The following HTR1B variants were observed in gnomAD, a reference collection of about 807,000 sequenced individuals.
HTR1B encodes 5-hydroxytryptamine receptor 1B.
HTR1B carries 12 observed loss-of-function variants against 25.3 expected under a neutral mutation model. The ratio of observed to expected loss-of-function variants is 0.47; its 90% CI spans 0.30 to 0.77. HTR1B has a LOEUF of 0.77. HTR1B is among the 30% of genes least tolerant of loss of function. The pLI, the probability that HTR1B is intolerant of heterozygous loss-of-function variation, is 0.06. For synonymous variants in HTR1B, 224 were observed against 219.1 expected (o/e 1.02, Z -0.20); for missense variants, 453 against 503.0 (o/e 0.90, Z 0.95).
Position 77,463,423 on chromosome 6 carries a change from C to T in HTR1B, c.-20G>A. ...CTCCATGGCTCTCCTCGCCCCAGCTCCGGAGCGCAGCTCTTGGGCATGGAG... is the reference window on the plus strand; with the variant it reads ...CTCCATGGCTCTCCTCGCCCCAGCTTCGGAGCGCAGCTCTTGGGCATGGAG... On this transcript the variant is annotated 5_prime_UTR_variant, in exon 1 of 1. Transcript: ENST00000369947. The T allele has an allele frequency of 1.3e-6, 2 of 1,597,696 alleles. No individual in the cohort carries two copies. Among genetic ancestry groups the T allele is most frequent in the South Asian group, 1.1e-5 (1 of 89,188 alleles).
chr6:77,463,475 G>C lies in HTR1B; in HGVS notation c.-72C>G. ...GGACGAAGGAGAGGGCGGAAGGACC[G>C]TGGCGATCGCAGGTTTGTCCCCAGT... On this transcript the variant is annotated 5_prime_UTR_variant, in exon 1 of 1. Transcript: ENST00000369947. 1 of 1,311,936 alleles carries C rather than the reference G, an allele frequency of 7.6e-7. No homozygotes were observed. Among genetic ancestry groups the C allele is most frequent in the Admixed American group, 2.1e-5 (1 of 48,346 alleles). 81.3% of individuals were successfully genotyped at this position (1,311,936 alleles called of 1,614,324 possible).
In HTR1B at chr6:77,462,956, C is replaced by A. The variant is rs202012894; in HGVS notation, c.448G>T (p.Ala150Ser). The A allele has an allele frequency of 8.1e-5, 131 of 1,613,942 alleles. No individual in the cohort carries two copies. The highest frequency in any genetic ancestry group is 9.9e-5 in the Non-Finnish European group (117 of 1,180,040). ...GAGTACTCCACGGCGTCCGTGATGGCCCAGTAGCGGTCCAGGGCGATGACA... is the reference window on the plus strand; with the variant it reads ...GAGTACTCCACGGCGTCCGTGATGGACCAGTAGCGGTCCAGGGCGATGACA... ...LCVIALDRYW[A>S]ITDAVEYSAK... The change falls in exon 1 of 1, where the codon GCC becomes TCC. Residue 150 changes from alanine (A) to serine (S), a missense_variant. Transcript: ENST00000369947. This position sits in a 1 kb window ranked among gnomAD's most constrained non-coding sequence, Gnocchi z 4.9.
chr6:77,462,675 CG>C lies in HTR1B; in HGVS notation c.728del (p.Thr243SerfsTer9). ...TCAAGCGCTTGCCGGTCCTGTTGGG[CG>C]TCTGTTTCAAAATCCGGGAGCGGGC... Reference protein sequence around the residue: ...VEARSRILKQTPNRTGKRLTR... With the variant: ...VEARSRILKQXPNRTGKRLTR... On this transcript the variant is annotated frameshift_variant, in exon 1 of 1. Transcript: ENST00000369947. LOFTEE classifies it high-confidence loss of function. This position sits in a 1 kb window ranked among gnomAD's most constrained non-coding sequence, Gnocchi z 4.9. 1 of 1,613,452 alleles carries C rather than the reference CG, an allele frequency of 6.2e-7. No homozygotes were observed. The highest frequency in any genetic ancestry group is 8.5e-7 in the Non-Finnish European group (1 of 1,180,006).
rs200352111 is a variant in HTR1B, at chr6:77,463,130, C to A, written c.274G>T (p.Ala92Ser). The change falls in exon 1 of 1, where the codon GCG becomes TCG. Residue 92 changes from alanine to serine, a missense_variant. By Grantham distance (99) the Ala-to-Ser change is moderately conservative. Coordinates refer to ENST00000369947, the MANE Select transcript of HTR1B (RefSeq NM_000863.3). ...TPANYLIASL[A>S]VTDLLVSILV... The stretch of plus-strand genomic sequence containing the variant: ...ATGGACACAAGCAGGTCGGTGACCG[C>A]CAGAGAGGCGATCAGGTAGTTAGCC... 1 of 1,614,182 alleles carries A rather than the reference C, an allele frequency of 6.2e-7. No homozygotes were observed.
rs756980147 is a variant in HTR1B, at chr6:77,463,251, C to A, written c.153G>T (p.Leu51=). 7 of 1,614,224 alleles carry A rather than the reference C, an allele frequency of 4.3e-6. No individual in the cohort carries two copies. Among genetic ancestry groups the A allele is most frequent in the Non-Finnish European group, 5.9e-6 (7 of 1,180,042 alleles). The change falls in exon 1 of 1, where the codon CTG becomes CTT. Residue 51 remains leucine, a synonymous_variant. Transcript: ENST00000369947. Reference sequence around the variant, plus strand: ...TGATGAGCGCCAATAGCATAACCAGCAGTACTTTCCAGGGTAGGGAGATGG... The same window carrying A: ...TGATGAGCGCCAATAGCATAACCAGAAGTACTTTCCAGGGTAGGGAGATGG... The part of the protein sequence containing the change: ...QDSISLPWKV[L]LVMLLALITL...
Position 77,461,673 on chromosome 6 carries a change from A to G in HTR1B, c.*558T>C, listed in dbSNP as rs1296312216. ...CCACACATAGGGTTTGAAGCACCAA[A>G]TCCACAAGTTTCTCCAACCAAGTTT... On this transcript the variant is annotated 3_prime_UTR_variant, in exon 1 of 1. Transcript: ENST00000369947. The G allele has an allele frequency of 6.5e-6, 1 of 152,766 alleles. No homozygotes were observed. The highest frequency in any genetic ancestry group is 1.5e-5 in the Non-Finnish European group (1 of 68,608). 9.5% of individuals were successfully genotyped at this position (152,766 alleles called of 1,614,324 possible).
Position 77,462,487 on chromosome 6 carries a change from G to A in HTR1B, c.917C>T (p.Ala306Val). 1.9e-6 allele frequency: 3 copies of A among 1,613,928 alleles called. No homozygotes were observed. Among genetic ancestry groups the A allele is most frequent in the Non-Finnish European group, 2.5e-6 (3 of 1,180,010 alleles). Residue 306 changes from alanine (A) to valine (V), a missense_variant, in exon 1 of 1, where the codon GCC (alanine) becomes GTC (valine). Ala to Val is a moderately conservative substitution (Grantham distance 64, BLOSUM62 0). This residue lies in a region of HTR1B where 289 missense variants were observed against 319.6 expected (regional missense o/e 0.90). Transcript: ENST00000369947. The surrounding 1 kb of genome is among the most constrained non-coding windows in gnomAD (Gnocchi z 4.9). ...CTTGGTGGCTTTGCGCTCCCTAGCG[G>A]CCATGAGTTTCTTCTTTTCCAGCAG... ...DALLEKKKLM[A>V]ARERKATKTL...
In HTR1B at chr6:77,461,358, G is replaced by A. The variant is rs1460707131; in HGVS notation, c.*873C>T. Among the ~76,000 whole-genome samples, 1 of 152,188 alleles carries A rather than the reference G, an allele frequency of 6.6e-6. No homozygotes were observed. The highest frequency in any genetic ancestry group is 1.5e-5 in the Non-Finnish European group (1 of 68,030). On this transcript the variant is annotated 3_prime_UTR_variant, in exon 1 of 1. Coordinates refer to ENST00000369947, the MANE Select transcript of HTR1B (RefSeq NM_000863.3). Reference sequence around the variant, plus strand: ...ATTTATGGGGATTTAAATGTGTAAAGTGACAGGTACATGAAATTAAGAGAA... The same window carrying A: ...ATTTATGGGGATTTAAATGTGTAAAATGACAGGTACATGAAATTAAGAGAA...
chr6:77,462,202 G>T lies in HTR1B; in HGVS notation c.*29C>A. On this transcript the variant is annotated 3_prime_UTR_variant, in exon 1 of 1. Coordinates refer to ENST00000369947, the MANE Select transcript of HTR1B (RefSeq NM_000863.3). This position sits in a 1 kb window ranked among gnomAD's most constrained non-coding sequence, Gnocchi z 4.9. ...AGACACAACTTGGTCCCCAAAGGTCGCTTAGGCGACCCCACTGCAAACGGC... is the reference window on the plus strand; with the variant it reads ...AGACACAACTTGGTCCCCAAAGGTCTCTTAGGCGACCCCACTGCAAACGGC... 6.6e-7 allele frequency: 1 copy of T among 1,523,890 alleles called. No individual in the cohort carries two copies. Among genetic ancestry groups the T allele is most frequent in the Non-Finnish European group, 9.0e-7 (1 of 1,108,530 alleles). The allele number at this position is 1,523,890 out of a possible 1,614,324, so 94.4% of individuals were successfully genotyped here. A position where few individuals can be genotyped will look rare whatever the true frequency, so the allele number is the denominator to read the frequency against.
chr6:77,463,272 G>C lies in HTR1B; in HGVS notation c.132C>G (p.Ile44Met), dbSNP rs1478483813. 6.2e-7 allele frequency: 1 copy of C among 1,614,250 alleles called. No individual in the cohort carries two copies. The highest frequency in any genetic ancestry group is 1.1e-5 in the South Asian group (1 of 91,084). ...CCAGCAGTACTTTCCAGGGTAGGGA[G>C]ATGGAGTCCTGGTAAATGTAGTCCT... ...SAKDYIYQDS[I>M]SLPWKVLLVM... Residue 44 changes from isoleucine to methionine, a missense_variant, in exon 1 of 1, where the codon ATC becomes ATG. By Grantham distance (10) the Ile-to-Met change is conservative. Transcript: ENST00000369947.
Position 77,462,456 on chromosome 6 carries a change from T to A in HTR1B, c.948A>T (p.Leu316=), listed in dbSNP as rs764338805. 6.2e-7 allele frequency: 1 copy of A among 1,613,958 alleles called. No individual in the cohort carries two copies. Among genetic ancestry groups the A allele is most frequent in the Non-Finnish European group, 8.5e-7 (1 of 1,179,954 alleles). The change falls in exon 1 of 1, where the codon CTA becomes CTT. Residue 316 remains leucine, a synonymous_variant. Coordinates refer to ENST00000369947, the MANE Select transcript of HTR1B (RefSeq NM_000863.3). The surrounding 1 kb of genome is among the most constrained non-coding windows in gnomAD (Gnocchi z 4.9). ...AARERKATKT[L]GIILGAFIVC... is the part of the protein sequence containing the mutation. ...CAATAAAGGCTCCCAAAATGATCCCTAGGGTCTTGGTGGCTTTGCGCTCCC... is the reference window on the plus strand; with the variant it reads ...CAATAAAGGCTCCCAAAATGATCCCAAGGGTCTTGGTGGCTTTGCGCTCCC...
rs1459256061 is a variant in HTR1B at position 77,461,454 on chromosome 6, A to T, written c.*777T>A. Reference sequence around the variant, plus strand: ...TTGTTTGTTAGAGTTGTGGCTTGACAATCGCTAAACAGGAATTACAAAATT... The same window carrying T: ...TTGTTTGTTAGAGTTGTGGCTTGACTATCGCTAAACAGGAATTACAAAATT... On this transcript the variant is annotated 3_prime_UTR_variant, in exon 1 of 1. Transcript: ENST00000369947. Among the ~76,000 whole-genome samples the T allele has an allele frequency of 2.0e-5, 3 of 152,210 alleles. No homozygotes were observed. The highest frequency in any genetic ancestry group is 4.4e-5 in the Non-Finnish European group (3 of 68,034).
In HTR1B at chr6:77,462,147, C is replaced by T; in HGVS notation, c.*84G>A. ...GAGCCTCGCTGGGACCCAGAAACCG[C>T]GAAAGAAGATTCGACCTACCTGTGG... On this transcript the variant is annotated 3_prime_UTR_variant, in exon 1 of 1. Transcript: ENST00000369947. The surrounding 1 kb of genome is among the most constrained non-coding windows in gnomAD (Gnocchi z 4.9). 3 of 945,404 alleles carry T rather than the reference C, an allele frequency of 3.2e-6. No homozygotes were observed. Among genetic ancestry groups the T allele is most frequent in the Non-Finnish European group, 4.9e-6 (3 of 609,664 alleles). 58.6% of individuals were successfully genotyped at this position (945,404 alleles called of 1,614,324 possible). A position where few individuals can be genotyped will look rare whatever the true frequency, so the allele number is the denominator to read the frequency against.
Position 77,462,709 on chromosome 6 carries a change from T to G in HTR1B, c.695A>C (p.Tyr232Ser). The change falls in exon 1 of 1, where the codon TAC (tyrosine) becomes TCC (serine). Residue 232 changes from tyrosine to serine, a missense_variant. Physicochemically the swap from Tyr to Ser is moderately radical, Grantham distance 144. Around this residue, in one of 3 missense-constraint regions of HTR1B, gnomAD observed 289 missense variants for 319.6 expected, o/e 0.90. Transcript: ENST00000369947. This position sits in a 1 kb window ranked among gnomAD's most constrained non-coding sequence, Gnocchi z 4.9. ...CAAAATCCGGGAGCGGGCTTCTACG[T>G]AGATGCGGCCATAGAGGGCGATGAG... Reference protein sequence around the residue: ...LLLIALYGRIYVEARSRILKQ... With the variant: ...LLLIALYGRISVEARSRILKQ... 6.2e-7 allele frequency: 1 copy of G among 1,613,784 alleles called. No homozygotes were observed. The highest frequency in any genetic ancestry group is 2.2e-5 in the East Asian group (1 of 44,834).
rs1766165848 is a variant in HTR1B, at chr6:77,463,090, A to G, written c.314T>C (p.Ile105Thr). ...DLLVSILVMP[I>T]STMYTVTGRW... ...GCCGGTGACAGTGTACATGGTGCTG[A>G]TGGGCATCACCAGGATGGACACAAG... Residue 105 changes from isoleucine (I) to threonine (T), a missense_variant, in exon 1 of 1, where the codon ATC becomes ACC. Ile to Thr is a moderately conservative substitution (Grantham distance 89). Around this residue, in one of 3 missense-constraint regions of HTR1B, gnomAD observed 35 missense variants for 65.1 expected, o/e 0.54. Coordinates refer to ENST00000369947, the MANE Select transcript of HTR1B (RefSeq NM_000863.3). 7 of 1,614,164 alleles carry G rather than the reference A, an allele frequency of 4.3e-6. No individual in the cohort carries two copies. The highest frequency in any genetic ancestry group is 5.1e-6 in the Non-Finnish European group (6 of 1,180,032).
rs1055210550 is a variant in HTR1B, at chr6:77,462,121, A to C, written c.*110T>G. 6 of 719,586 alleles carry C rather than the reference A, an allele frequency of 8.3e-6. No homozygotes were observed. The highest frequency in any genetic ancestry group is 1.4e-5 in the Non-Finnish European group (6 of 418,042). 44.6% of individuals were successfully genotyped at this position (719,586 alleles called of 1,614,324 possible). A position where few individuals can be genotyped will look rare whatever the true frequency, so the allele number is the denominator to read the frequency against. ...GATCCATTGCCCTTGCCCAGGAGAG[A>C]GAGCCTCGCTGGGACCCAGAAACCG... On this transcript the variant is annotated 3_prime_UTR_variant, in exon 1 of 1. Coordinates refer to ENST00000369947, the MANE Select transcript of HTR1B (RefSeq NM_000863.3). The surrounding 1 kb of genome is among the most constrained non-coding windows in gnomAD (Gnocchi z 4.9).
In HTR1B at chr6:77,462,864, G is replaced by A. The variant is rs749727210; in HGVS notation, c.540C>T (p.Ile180=). The A allele has an allele frequency of 1.3e-5, 21 of 1,613,902 alleles. No individual in the cohort carries two copies. Among genetic ancestry groups the A allele is most frequent in the African/African-American group, 1.2e-4 (9 of 74,946 alleles). Reference sequence around the variant, plus strand: ...GACGCCAGAAGAAGGGCGGCAGCGAGATAGAGATGGAGAAGACCCACACCA... The same window carrying A: ...GACGCCAGAAGAAGGGCGGCAGCGAAATAGAGATGGAGAAGACCCACACCA... ...IALVWVFSIS[I]SLPPFFWRQA... Residue 180 remains isoleucine, a synonymous_variant, in exon 1 of 1, where the codon ATC becomes ATT. Transcript: ENST00000369947. This position sits in a 1 kb window ranked among gnomAD's most constrained non-coding sequence, Gnocchi z 4.9.
rs1401107411 is a variant in HTR1B at position 77,462,459 on chromosome 6, G to T, written c.945C>A (p.Thr315=). 6.2e-7 allele frequency: 1 copy of T among 1,614,042 alleles called. No homozygotes were observed. ...MAARERKATK[T]LGIILGAFIV... is the part of the protein sequence containing the mutation. Reference sequence around the variant, plus strand: ...TAAAGGCTCCCAAAATGATCCCTAGGGTCTTGGTGGCTTTGCGCTCCCTAG... The same window carrying T: ...TAAAGGCTCCCAAAATGATCCCTAGTGTCTTGGTGGCTTTGCGCTCCCTAG... The change falls in exon 1 of 1, where the codon ACC becomes ACA. Residue 315 remains threonine (T), a synonymous_variant. Transcript: ENST00000369947. This position sits in a 1 kb window ranked among gnomAD's most constrained non-coding sequence, Gnocchi z 4.9.
In HTR1B at chr6:77,463,464, G is replaced by T; in HGVS notation, c.-61C>A. ...GGGCATGGAGCGGACGAAGGAGAGGGCGGAAGGACCGTGGCGATCGCAGGT... is the reference window on the plus strand; with the variant it reads ...GGGCATGGAGCGGACGAAGGAGAGGTCGGAAGGACCGTGGCGATCGCAGGT... On this transcript the variant is annotated 5_prime_UTR_variant, in exon 1 of 1. Coordinates refer to ENST00000369947, the MANE Select transcript of HTR1B (RefSeq NM_000863.3). 7.0e-7 allele frequency: 1 copy of T among 1,420,532 alleles called. No homozygotes were observed. The highest frequency in any genetic ancestry group is 9.7e-7 in the Non-Finnish European group (1 of 1,035,488). The allele number at this position is 1,420,532 out of a possible 1,614,324, so 88.0% of individuals were successfully genotyped here. A position where few individuals can be genotyped will look rare whatever the true frequency, so the allele number is the denominator to read the frequency against.
Sources: allele counts gnomAD v4.1 joint callset (sites outside exome capture counted in the v4.1 genomes callset), GRCh38; gene constraint gnomAD v4.1.1; regional missense constraint gnomAD v4.1.1; non-coding constraint Gnocchi (gnomAD v3.1); transcripts MANE v1.5; gene names NCBI Gene and HGNC (gene_info 2026-07-23, HGNC 2026-07-21).